The following RPS6KA3 variants were observed in gnomAD, a reference collection of about 807,000 sequenced individuals.
The protein encoded by RPS6KA3 is ribosomal protein S6 kinase alpha-3.
A neutral mutation model predicts 67.2 loss-of-function variants in RPS6KA3; 4 were observed. That is an observed-to-expected ratio of 0.06 (90% CI 0.03 to 0.14). RPS6KA3 has a LOEUF of 0.14. Ranked by LOEUF, RPS6KA3 falls within the 10% of genes least tolerant of loss-of-function variation. The pLI is 1.00. For synonymous variants in RPS6KA3, 182 were observed against 183.7 expected (o/e 0.99, Z 0.07); for missense variants, 204 against 559.0 (o/e 0.36, Z 6.40).
At chrX:20,226,012 C>T (rs1181685235) in intron 2 of RPS6KA3, among the ~76,000 whole-genome samples, 1 of 110,212 alleles carries the variant, frequency 9.1e-6, no homozygotes, top group Non-Finnish European at 1.9e-5. Context: ...ACAGTAAAAC[C>T]CCATCTCTAA....
rs57506413 is a variant in RPS6KA3 at position 20,249,349 on chromosome X, C to T, written c.70-14535G>A. ...ATGTCCAGGAGTACAACTGCTGGATCATATAGCAAGTATATGTTTATTAAT... is the reference window on the plus strand; with the variant it reads ...ATGTCCAGGAGTACAACTGCTGGATTATATAGCAAGTATATGTTTATTAAT... On this transcript the variant is annotated intron_variant, in intron 1 of 21. Coordinates refer to ENST00000379565, the MANE Select transcript of RPS6KA3 (RefSeq NM_004586.3). Among the ~76,000 whole-genome samples the T allele has an allele frequency of 2.9e-3, 322 of 111,980 alleles. 2 individuals are homozygous for T. Among genetic ancestry groups the T allele is most frequent in the African/African-American group, 9.9e-3 (305 of 30,867 alleles).
chrX:20,157,943 A>G (rs1240745791), intron 20 of RPS6KA3, among the ~76,000 whole-genome samples: 1 of 111,797 alleles, frequency 8.9e-6, no homozygotes, highest in African/African-American at 3.3e-5. Context: ...AAGTCCCTGT[A>G]AGCCATATTT....
At chrX:20,205,628 T>C (rs1429518861) in intron 3 of RPS6KA3, among the ~76,000 whole-genome samples, 4 of 111,867 alleles carry the variant, frequency 3.6e-5, no homozygotes, top group Non-Finnish European at 7.5e-5. Context: ...GGAGCCAACC[T>C]AGGGAGAGAA....
intron 10 of RPS6KA3, among the ~76,000 whole-genome samples, chrX:20,177,349 T>A (rs1314272520): frequency 8.9e-6 from 1 of 112,163 alleles, no homozygotes; most frequent in African/African-American, 3.2e-5. Flanking sequence ...TTTGCACTTA[T>A]TTGTGTGTGT....
intron 20 of RPS6KA3, among the ~76,000 whole-genome samples, chrX:20,160,674 C>T (rs962631558): frequency 2.7e-5 from 3 of 111,589 alleles, no homozygotes; most frequent in African/African-American, 9.8e-5. Flanking sequence ...AGTGATCCGC[C>T]CACCTCGGCC....
At chrX:20,234,055 A>G (rs2069343362) in intron 2 of RPS6KA3, among the ~76,000 whole-genome samples, 1 of 112,523 alleles carries the variant, frequency 8.9e-6, no homozygotes, top group Non-Finnish European at 1.9e-5. Flanking sequence ...AGTGAACAAC[A>G]ACAAAAAAAC....
In RPS6KA3 at chrX:20,161,666, T is replaced by C; in HGVS notation, c.1937A>G (p.Asn646Ser). The C allele has an allele frequency of 8.7e-7, 1 of 1,150,145 alleles. No homozygotes were observed. The highest frequency in any genetic ancestry group is 1.2e-6 in the Non-Finnish European group (1 of 847,563). 94.8% of individuals were successfully genotyped at this position (1,150,145 alleles called of 1,213,427 possible). A position where few individuals can be genotyped will look rare whatever the true frequency, so the allele number is the denominator to read the frequency against. ...GKFSLSGGYW[N>S]SVSDTAKDLV... ...TACCTTTGCTGTGTCTGAAACAGAA[T>C]TCCAGTAACCACCACTGAGTGAGAA... Residue 646 changes from asparagine (N) to serine (S), a missense_variant, in exon 20 of 22, where the codon AAT becomes AGT. Physicochemically the swap from Asn to Ser is conservative, Grantham distance 46. Coordinates refer to ENST00000379565, the MANE Select transcript of RPS6KA3 (RefSeq NM_004586.3).
chrX:20,196,914 G>A (rs909376225), intron 4 of RPS6KA3, among the ~76,000 whole-genome samples: 4 of 111,375 alleles, frequency 3.6e-5, no homozygotes, highest in African/African-American at 9.8e-5. Context: ...ACCTCGGCTC[G>A]CTGCAACCTC....
intron 4 of RPS6KA3, 100 bp from the exon 5 acceptor site, chrX:20,195,245 G>A (rs1415616052): frequency 1.9e-6 from 1 of 526,060 alleles, no homozygotes; most frequent in Non-Finnish European, 3.3e-6. Context: ...TTTTGCTTAT[G>A]TGTATTAAAA....
At chrX:20,235,506 C>T (rs775016683) in intron 1 of RPS6KA3, 2 of 109,699 alleles carry the variant, frequency 1.8e-5, no homozygotes, top group Non-Finnish European at 3.8e-5. Context: ...TAAGAAAAAA[C>T]GATGAACCTC....
chrX:20,238,698 G>A (rs1299115209), intron 1 of RPS6KA3, among the ~76,000 whole-genome samples: 2 of 111,350 alleles, frequency 1.8e-5, no homozygotes, highest in Non-Finnish European at 3.8e-5. Flanking sequence ...TCCTGAGTTT[G>A]GCAATAATTT....
chrX:20,174,793 C>T (rs974442057), intron 14 of RPS6KA3, among the ~76,000 whole-genome samples: 4 of 111,565 alleles, frequency 3.6e-5, no homozygotes, highest in Non-Finnish European at 7.5e-5. Flanking sequence ...TCAACTCTGT[C>T]ACCCAGGCTG....
Position 20,150,303 on chromosome X carries a change from TTC to T in RPS6KA3, c.*5093_*5094del, listed in dbSNP as rs1221025203. 2 of 112,997 alleles carry T rather than the reference TTC, an allele frequency of 1.8e-5. No homozygotes were observed. The highest frequency in any genetic ancestry group is 3.8e-5 in the Non-Finnish European group (2 of 53,276). The allele number at this position is 112,997 out of a possible 1,213,427, so 9.3% of individuals were successfully genotyped here. Reference sequence around the variant, plus strand: ...CAGTAGAAAAATATTTGTGATTTTTTTCTTTTTTAAAAACTATTTAAGTAGGC... The same window carrying T: ...CAGTAGAAAAATATTTGTGATTTTTTTTTTTTAAAAACTATTTAAGTAGGC... On this transcript the variant is annotated 3_prime_UTR_variant, in exon 22 of 22. Transcript: ENST00000379565.
chrX:20,237,632 A>G (rs2069447836), intron 1 of RPS6KA3, among the ~76,000 whole-genome samples: 1 of 111,498 alleles, frequency 9.0e-6, no homozygotes, highest in South Asian at 3.7e-4. Flanking sequence ...AAGGATTATT[A>G]CCAGGCTCAA....
chrX:20,260,237 A>G (rs1248727472), intron 1 of RPS6KA3, among the ~76,000 whole-genome samples: 2 of 111,777 alleles, frequency 1.8e-5, no homozygotes, highest in Non-Finnish European at 3.8e-5. Flanking sequence ...TCAGGGACAC[A>G]TTATCTTCAA....
At position 20,176,139 on chromosome X, in the gene RPS6KA3, G is replaced by A. The variant is rs1330242581; in HGVS notation, c.1102+111C>T. 5 of 535,191 alleles carry A rather than the reference G, an allele frequency of 9.3e-6. No individual in the cohort carries two copies. The East Asian group carries it at 1.4e-4, about 15-fold the overall frequency. The allele number at this position is 535,191 out of a possible 1,213,427, so 44.1% of individuals were successfully genotyped here. A position where few individuals can be genotyped will look rare whatever the true frequency, so the allele number is the denominator to read the frequency against. ...GCTCGCCTCAGCCTCCCAAAGTGCT[G>A]GGATTACAAGTGTGAGCCACCGCGC... On this transcript the variant is annotated intron_variant, in intron 13 of 21. Transcript: ENST00000379565.
intron 9 of RPS6KA3, 141 bp downstream of exon 9, chrX:20,187,687 G>A: frequency 1.7e-6 from 1 of 578,919 alleles, no homozygotes; most frequent in Non-Finnish European, 3.0e-6. Context: ...CTTCTATACT[G>A]CATGCAATAA....
rs987340222 is a variant in RPS6KA3 at position 20,153,710 on chromosome X, C to T, written c.*1688G>A. The T allele has an allele frequency of 4.5e-5, 5 of 110,082 alleles. No individual in the cohort carries two copies. The highest frequency in any genetic ancestry group is 1.7e-4 in the African/African-American group (5 of 30,138). 9.1% of individuals were successfully genotyped at this position (110,082 alleles called of 1,213,427 possible). The stretch of plus-strand genomic sequence containing the variant: ...TCTTGGCTCACTGCAACCACCACCT[C>T]CCAGGTTCAAGCGATTCTCCTGCCT... On this transcript the variant is annotated 3_prime_UTR_variant, in exon 22 of 22. Transcript: ENST00000379565.
chrX:20,221,377 A>G (rs2148759786), intron 2 of RPS6KA3, among the ~76,000 whole-genome samples: 1 of 112,087 alleles, frequency 8.9e-6, no homozygotes, highest in South Asian at 3.7e-4. Context: ...TTATTTAAAA[A>G]GTAACTACTA....
Sources: gnomAD v4.1 joint callset for allele counts (sites outside exome capture counted in the v4.1 genomes callset) on GRCh38, gnomAD v4.1.1 for gene constraint, MANE v1.5 for transcripts, NCBI Gene and HGNC (gene_info 2026-07-23, HGNC 2026-07-21) for gene names.